The following UNC13B variants were observed in gnomAD, a reference collection of about 807,000 sequenced individuals.
The protein encoded by UNC13B is unc-13 homolog B.
A neutral mutation model predicts 211.0 loss-of-function variants in UNC13B; 144 were observed. The ratio of observed to expected loss-of-function variants is 0.68; its 90% CI spans 0.60 to 0.78. UNC13B has a LOEUF of 0.78. Ranked by LOEUF, UNC13B falls within the 30% of genes least tolerant of loss-of-function variation. The probability of loss-of-function intolerance (pLI) is 0.00; values close to 1 mark genes in which losing one functional copy is unlikely to be tolerated. For synonymous variants in UNC13B, 709 were observed against 725.8 expected, an observed-to-expected ratio of 0.98 and a Z score of 0.37; for missense variants, 1,777 against 2,002.0, an observed-to-expected ratio of 0.89 and a Z score of 2.14.
intron 11 of UNC13B, among the ~76,000 whole-genome samples, chr9:35,315,054 A>AT (rs1156782392): frequency 0.019 from 2,577 of 135,376 alleles, 59 homozygotes; most frequent in South Asian, 0.085. Flanking sequence ...TTTAAAAAAA[A>AT]TTTTTTTTTT....
chr9:35,241,557 GCACACACACA>G (rs3067420), intron 5 of UNC13B, among the ~76,000 whole-genome samples: 182 of 145,026 alleles, frequency 1.3e-3, no homozygotes, highest in Admixed American at 2.5e-3. Context: ...CTGAATATAA[GCACACACACA>G]CACACACACA....
chr9:35,162,614 C>G (rs564689816), intron 1 of UNC13B, among the ~76,000 whole-genome samples: 1 of 152,266 alleles, frequency 6.6e-6, no homozygotes, highest in South Asian at 2.1e-4. Context: ...TAGAAGACCG[C>G]GGATGGTTGG....
At chr9:35,381,057 CTAGTTG>C in intron 18 of UNC13B, 37 bp from the exon 19 acceptor site, 2 of 1,560,174 alleles carry the variant, frequency 1.3e-6, no homozygotes, top group Non-Finnish European at 1.8e-6. Context: ...TCTATGCTGT[CTAGTTG>C]CATTGGTGTC....
In UNC13B at chr9:35,386,272, A is replaced by T. The variant is rs750719663; in HGVS notation, c.11073A>T (p.Leu3691Phe). Residue 3691 changes from leucine (L) to phenylalanine (F), a missense_variant, in exon 24 of 40, where the codon TTA (leucine) becomes TTT (phenylalanine). Transcript: ENST00000635942. ...YEYIFNNCHDLYSRQYQLKQE... is the reference protein window; with the variant it reads ...YEYIFNNCHDFYSRQYQLKQE... ...ATATCTTCAACAACTGCCACGACTT[A>T]TACAGCCGCCAGTACCAGCTGGTAA... is the stretch of plus-strand genomic sequence containing the variant. 225 of 1,613,962 alleles carry T rather than the reference A, an allele frequency of 1.4e-4. 2 individuals carry two copies. In the South Asian group the frequency reaches 2.4e-3, roughly 17 times the overall value.
In UNC13B at chr9:35,307,518, T is replaced by C. The variant is rs1364669502; in HGVS notation, c.8114T>C (p.Met2705Thr). ...HPASSLETDT[M>T]LFNDASVSQS... ...GCCAGTTCACTAGAAACTGATACTA[T>C]GCTGTTCAATGATGCAAGTGTGAGC... Residue 2705 changes from methionine (M) to threonine (T), a missense_variant, in exon 9 of 40, where the codon ATG (methionine) becomes ACG (threonine). Coordinates refer to ENST00000635942, the MANE Select transcript of UNC13B (RefSeq NM_001371189.2). 5.0e-6 allele frequency: 2 copies of C among 399,034 alleles called. No homozygotes were observed. Among genetic ancestry groups the C allele is most frequent in the Non-Finnish European group, 8.8e-6 (2 of 226,078 alleles). 24.7% of individuals were successfully genotyped at this position (399,034 alleles called of 1,614,324 possible).
intron 6 of UNC13B, among the ~76,000 whole-genome samples, 166 bp from the exon 7 acceptor site, chr9:35,258,827 G>A (rs1038962247): frequency 5.9e-5 from 9 of 152,192 alleles, no homozygotes; most frequent in South Asian, 4.1e-4. Flanking sequence ...TGGCCTATAT[G>A]TCAACATCAC....
chr9:35,315,838 G>C (rs936093660), intron 11 of UNC13B, among the ~76,000 whole-genome samples: 1 of 152,128 alleles, frequency 6.6e-6, no homozygotes, highest in Non-Finnish European at 1.5e-5. Flanking sequence ...ATGTTCTTCA[G>C]TTTGGGTCCA....
intron 11 of UNC13B, among the ~76,000 whole-genome samples, chr9:35,327,940 C>T (rs1356091494): frequency 6.6e-6 from 1 of 152,162 alleles, no homozygotes; most frequent in Non-Finnish European, 1.5e-5. Flanking sequence ...GAAAGGAATT[C>T]AAAAGATGAA....
At chr9:35,237,344 A>G (rs1825569136) in intron 4 of UNC13B, among the ~76,000 whole-genome samples, 1 of 152,186 alleles carries the variant, frequency 6.6e-6, no homozygotes. Flanking sequence ...GTTCAATCCT[A>G]TTTAGCCAGC....
chr9:35,282,933 T>C (rs1828588277), intron 7 of UNC13B, among the ~76,000 whole-genome samples: 1 of 152,226 alleles, frequency 6.6e-6, no homozygotes, highest in African/African-American at 2.4e-5. Context: ...TTGTATTTCC[T>C]GTAAATTGTA....
chr9:35,248,032 G>C (rs1166987979), intron 6 of UNC13B, among the ~76,000 whole-genome samples: 1 of 152,088 alleles, frequency 6.6e-6, no homozygotes. Flanking sequence ...CAATTTCAAA[G>C]CCTGTTATTG....
chr9:35,174,962 C>T (rs934587618), intron 1 of UNC13B, among the ~76,000 whole-genome samples: 8 of 152,012 alleles, frequency 5.3e-5, no homozygotes, highest in East Asian at 1.9e-4. Flanking sequence ...CATGAGCCAC[C>T]GTGCCCTGCC....
intron 1 of UNC13B, among the ~76,000 whole-genome samples, chr9:35,167,228 C>T (rs1281409138): frequency 6.6e-6 from 1 of 152,068 alleles, no homozygotes; most frequent in Non-Finnish European, 1.5e-5. Flanking sequence ...CGCCCATCAC[C>T]ACGCCTGGCT....
In UNC13B at chr9:35,386,186, C is replaced by T. The variant is rs1165197704; in HGVS notation, c.10987C>T (p.Pro3663Ser). The T allele has an allele frequency of 3.7e-6, 6 of 1,614,140 alleles. No homozygotes were observed. Among genetic ancestry groups the T allele is most frequent in the Non-Finnish European group, 5.1e-6 (6 of 1,179,988 alleles). Reference sequence around the variant, plus strand: ...GCAGGTACAAGAACTGCAAAGCCCTCCAAGAGCCAGCCAGGTGGTAAAGGA... The same window carrying T: ...GCAGGTACAAGAACTGCAAAGCCCTTCAAGAGCCAGCCAGGTGGTAAAGGA... ...RMKVQELQSP[P>S]RASQVVKDCV... Residue 3663 changes from proline (P) to serine (S), a missense_variant, in exon 24 of 40, where the codon CCA (proline) becomes TCA (serine). Pro to Ser is a moderately conservative substitution (Grantham distance 74). Coordinates refer to ENST00000635942, the MANE Select transcript of UNC13B (RefSeq NM_001371189.2).
chr9:35,379,994 A>G (rs1401757046), intron 17 of UNC13B, among the ~76,000 whole-genome samples: 6 of 152,170 alleles, frequency 3.9e-5, no homozygotes, highest in African/African-American at 1.2e-4. Flanking sequence ...CACCAAGCAC[A>G]TAGTTAGGCA....
Position 35,305,564 on chromosome 9 carries a change from G to A in UNC13B, c.6160G>A (p.Asp2054Asn), listed in dbSNP as rs1829884818. Reference protein sequence around the residue: ...RRLNKQTTIDDSRLEESTRGI... With the variant: ...RRLNKQTTIDNSRLEESTRGI... ...ACTGAACAAACAGACTACTATCGAT[G>A]ACAGTAGGTTAGAGGAATCAACTAG... The change falls in exon 9 of 40, where the codon GAC becomes AAC. Residue 2054 changes from aspartate to asparagine, a missense_variant. Physicochemically the swap from Asp to Asn is conservative, Grantham distance 23 (BLOSUM62 1). Transcript: ENST00000635942. 1 of 398,944 alleles carries A rather than the reference G, an allele frequency of 2.5e-6. No individual in the cohort carries two copies. The allele number at this position is 398,944 out of a possible 1,614,324, so 24.7% of individuals were successfully genotyped here. A position where few individuals can be genotyped will look rare whatever the true frequency, so the allele number is the denominator to read the frequency against.
intron 11 of UNC13B, among the ~76,000 whole-genome samples, chr9:35,359,321 C>G (rs1833242270): frequency 6.6e-6 from 1 of 152,122 alleles, no homozygotes; most frequent in African/African-American, 2.4e-5. Flanking sequence ...TCTTAGTTAT[C>G]TTTGCTCTTC....
chr9:35,216,261 C>T (rs765405910), intron 1 of UNC13B, among the ~76,000 whole-genome samples: 1 of 152,100 alleles, frequency 6.6e-6, no homozygotes, highest in Non-Finnish European at 1.5e-5. Flanking sequence ...CTTTTCTGGA[C>T]CAGGATGGAT....
At chr9:35,352,339 C>A in intron 11 of UNC13B, 5 of 1,232,166 alleles carry the variant, frequency 4.1e-6, no homozygotes, top group Non-Finnish European at 5.1e-6. Context: ...CCCCTAGGCC[C>A]ACTGTTGTGA....
Sources: allele counts gnomAD v4.1 joint callset (sites outside exome capture counted in the v4.1 genomes callset), GRCh38; gene constraint gnomAD v4.1.1; transcripts MANE v1.5; gene names NCBI Gene and HGNC (gene_info 2026-07-23, HGNC 2026-07-21).